The following TOX variants were observed in gnomAD, a reference collection of about 807,000 sequenced individuals.
TOX encodes the protein thymocyte selection associated high mobility group box, also known as thymocyte selection-associated high mobility group box protein TOX.
Under a neutral mutation model 53.7 loss-of-function variants are expected in TOX, and 11 were observed. That is an observed-to-expected ratio of 0.20 (90% CI 0.13 to 0.34). The LOEUF is 0.34. Among genes scored for constraint, TOX ranks in the 10% least tolerant of loss-of-function variants. TOX has a pLI of 1.00. For missense variants in TOX, 570 were observed against 664.6 expected (o/e 0.86, Z 1.56); for synonymous variants, 225 against 245.3 (o/e 0.92, Z 0.77).
intron 4 of TOX, among the ~76,000 whole-genome samples, chr8:58,847,834 G>C (rs972052348): frequency 1.3e-5 from 2 of 152,078 alleles, no homozygotes; most frequent in Non-Finnish European, 2.9e-5. Flanking sequence ...CAAGGATTCA[G>C]TGAAATAATA....
chr8:59,107,325 T>TCTGTTGA (rs1804932082), intron 1 of TOX, among the ~76,000 whole-genome samples: 1 of 152,166 alleles, frequency 6.6e-6, no homozygotes, highest in Non-Finnish European at 1.5e-5. Context: ...TAACTTAGTT[T>TCTGTTGA]CTGTTGAACA....
chr8:58,915,612 C>T (rs1812004004), intron 3 of TOX, among the ~76,000 whole-genome samples: 2 of 140,148 alleles, frequency 1.4e-5, no homozygotes, highest in Non-Finnish European at 1.5e-5. Context: ...AAAAACAGAA[C>T]AGAAAAACTG....
chr8:59,059,399 A>G (rs907086140), intron 1 of TOX, among the ~76,000 whole-genome samples: 6 of 152,202 alleles, frequency 3.9e-5, no homozygotes, highest in South Asian at 2.1e-4. Flanking sequence ...AGGTAAAAAG[A>G]AGAAATATTT....
At chr8:59,016,590 C>T (rs1814014385) in intron 1 of TOX, among the ~76,000 whole-genome samples, 1 of 152,112 alleles carries the variant, frequency 6.6e-6, no homozygotes, top group Non-Finnish European at 1.5e-5. Flanking sequence ...TGTAAAACTG[C>T]TATTTATTTA....
In TOX at chr8:58,838,150, G is replaced by C. The variant is rs759507736; in HGVS notation, c.855C>G (p.Asn285Lys). 6.2e-7 allele frequency: 1 copy of C among 1,614,194 alleles called. No homozygotes were observed. Among genetic ancestry groups the C allele is most frequent in the Non-Finnish European group, 8.5e-7 (1 of 1,180,016 alleles). ...TTTTAGAGACTTCGCCAAAGGTAGC[G>C]TTTGGATTTTGGCCCTTGATGGCGG... is the stretch of plus-strand genomic sequence containing the variant. ...TQAAIKGQNP[N>K]ATFGEVSKIV... The change falls in exon 5 of 9, where the codon AAC (asparagine) becomes AAG (lysine). Residue 285 changes from asparagine (N) to lysine (K), a missense_variant. Coordinates refer to ENST00000361421, the MANE Select transcript of TOX (RefSeq NM_014729.3).
intron 1 of TOX, among the ~76,000 whole-genome samples, chr8:59,006,858 G>A (rs1305501258): frequency 6.6e-6 from 1 of 152,172 alleles, no homozygotes; most frequent in East Asian, 1.9e-4. Flanking sequence ...GAAAAGTTAA[G>A]CCCATTTTGA....
chr8:59,027,040 G>T (rs1267173248), intron 1 of TOX, among the ~76,000 whole-genome samples: 1 of 152,158 alleles, frequency 6.6e-6, no homozygotes, highest in Admixed American at 6.5e-5. Context: ...CCATTGGCTA[G>T]TTCCCTGTTT....
At chr8:59,000,455 G>A (rs556232142) in intron 1 of TOX, among the ~76,000 whole-genome samples, 1 of 152,252 alleles carries the variant, frequency 6.6e-6, no homozygotes, top group East Asian at 1.9e-4. Flanking sequence ...ATAGAAAAAT[G>A]CAATTAGTTA....
At chr8:59,068,012 G>T (rs183559288) in intron 1 of TOX, among the ~76,000 whole-genome samples, 3 of 152,232 alleles carry the variant, frequency 2.0e-5, no homozygotes, top group Admixed American at 2.0e-4. Flanking sequence ...GTGAATATTA[G>T]ACATTATCAT....
intron 2 of TOX, among the ~76,000 whole-genome samples, chr8:58,953,448 T>A (rs1444221436): frequency 6.6e-6 from 1 of 152,198 alleles, no homozygotes; most frequent in East Asian, 1.9e-4. Context: ...TTTTGAGTAA[T>A]GAAGATGTCA....
chr8:58,941,667 T>C (rs996333107), intron 2 of TOX, among the ~76,000 whole-genome samples: 2 of 152,286 alleles, frequency 1.3e-5, no homozygotes. Context: ...CCCACTGAAA[T>C]TATATGAACA....
At chr8:59,098,377 C>A (rs1332731018) in intron 1 of TOX, among the ~76,000 whole-genome samples, 2 of 151,806 alleles carry the variant, frequency 1.3e-5, no homozygotes, top group Admixed American at 6.6e-5. Context: ...TATATTTTGT[C>A]TTTCATGCTA....
intron 1 of TOX, among the ~76,000 whole-genome samples, chr8:59,009,323 TTTCCTTCC>T (rs1243044977): frequency 6.6e-6 from 1 of 151,446 alleles, no homozygotes; most frequent in Admixed American, 6.6e-5. Flanking sequence ...TCTTTCCTTC[TTTCCTTCC>T]TTCCTTCCTT....
At chr8:59,067,051 T>C (rs1804105812) in intron 1 of TOX, among the ~76,000 whole-genome samples, 1 of 152,162 alleles carries the variant, frequency 6.6e-6, no homozygotes, top group African/African-American at 2.4e-5. Context: ...CTGAGTTACA[T>C]ACCAAGTTGC....
intron 1 of TOX, among the ~76,000 whole-genome samples, chr8:59,076,958 T>G (rs1461451677): frequency 1.3e-5 from 2 of 152,216 alleles, no homozygotes; most frequent in African/African-American, 4.8e-5. Flanking sequence ...AGCAATTTTA[T>G]ATATCTTATT....
intron 1 of TOX, among the ~76,000 whole-genome samples, chr8:59,027,472 A>G (rs976076297): frequency 4.6e-5 from 7 of 151,984 alleles, no homozygotes; most frequent in East Asian, 1.9e-4. Flanking sequence ...AAATTTTTCA[A>G]TGAAAGATGA....
intron 1 of TOX, among the ~76,000 whole-genome samples, chr8:58,987,877 G>T (rs1813362392): frequency 6.6e-6 from 1 of 152,156 alleles, no homozygotes; most frequent in South Asian, 2.1e-4. Context: ...ACTCCCAAGG[G>T]TTGGTGGGGA....
At chr8:58,884,055 A>G (rs538925368) in intron 3 of TOX, among the ~76,000 whole-genome samples, 17 of 152,308 alleles carry the variant, frequency 1.1e-4, no homozygotes, top group African/African-American at 3.8e-4. Context: ...ATTTTCGTCA[A>G]ACCACCAGGG....
At chr8:59,017,322 T>C (rs1159340275) in intron 1 of TOX, among the ~76,000 whole-genome samples, 2 of 152,230 alleles carry the variant, frequency 1.3e-5, no homozygotes, top group African/African-American at 4.8e-5. Flanking sequence ...GATTTCTTTT[T>C]CTTTATTTTT....
Sources: gnomAD v4.1 joint callset for allele counts (sites outside exome capture counted in the v4.1 genomes callset) on GRCh38, gnomAD v4.1.1 for gene constraint, MANE v1.5 for transcripts, NCBI Gene and HGNC (gene_info 2026-07-23, HGNC 2026-07-21) for gene names.